The following IVNS1ABP variants were observed in gnomAD, a reference collection of about 807,000 sequenced individuals.
IVNS1ABP encodes the protein influenza virus NS1A binding protein.
Under a neutral mutation model 78.9 loss-of-function variants are expected in IVNS1ABP, and 25 were observed. The ratio of observed to expected loss-of-function variants is 0.32; its 90% CI spans 0.23 to 0.44. The LOEUF is 0.44. Ranked by LOEUF, IVNS1ABP falls within the 20% of genes least tolerant of loss-of-function variation. IVNS1ABP has a pLI of 1.00. For synonymous variants in IVNS1ABP, 241 were observed against 259.7 expected (o/e 0.93, Z 0.69); for missense variants, 494 against 768.9 (o/e 0.64, Z 4.23).
intron 13 of IVNS1ABP, 36 bp from the exon 14 acceptor site, chr1:185,299,919 C>G (rs776111443): frequency 6.2e-7 from 1 of 1,612,478 alleles, no homozygotes; most frequent in Admixed American, 1.7e-5. Context: ...ATTGCTACAT[C>G]TCCCAGACTC....
In IVNS1ABP at chr1:185,301,572, T is replaced by A. The variant is rs1397404242; in HGVS notation, c.766-9A>T. The A allele has an allele frequency of 6.2e-7, 1 of 1,612,544 alleles. No homozygotes were observed. The highest frequency in any genetic ancestry group is 1.1e-5 in the South Asian group (1 of 91,038). On this transcript the variant is annotated splice_polypyrimidine_tract_variant and intron_variant, in intron 8 of 14. Coordinates refer to ENST00000367498, the MANE Select transcript of IVNS1ABP (RefSeq NM_006469.5). ...TCACGTGGTGGCTTTTTCTGCAAAA[T>A]CAAAAGGTAGCTACAGAAACCTAGC...
chr1:185,303,126 C>A (rs1665643970), intron 8 of IVNS1ABP, among the ~76,000 whole-genome samples: 1 of 151,938 alleles, frequency 6.6e-6, no homozygotes, highest in African/African-American at 2.4e-5. Context: ...ATCCAAATAT[C>A]ACAAATGGAT....
intron 5 of IVNS1ABP, 55 bp from the exon 6 acceptor site, chr1:185,307,717 A>G: frequency 6.5e-7 from 1 of 1,531,748 alleles, no homozygotes; most frequent in Non-Finnish European, 9.0e-7. Context: ...TTCAACAAAT[A>G]TTTAATGTTC....
chr1:185,302,333 G>A (rs1423040323), intron 8 of IVNS1ABP, among the ~76,000 whole-genome samples: 1 of 152,138 alleles, frequency 6.6e-6, no homozygotes, highest in Non-Finnish European at 1.5e-5. Context: ...AGTTTTCCTT[G>A]ATGGCTTCCT....
rs1309120370 is a variant in IVNS1ABP at position 185,297,082 on chromosome 1, C to T, written c.*953G>A. ...AAAAACATAGTTCTGATAAAACCTG[C>T]ATTCACAACCTAATGTAGTTTAAAG... On this transcript the variant is annotated 3_prime_UTR_variant, in exon 15 of 15. Coordinates refer to ENST00000367498, the MANE Select transcript of IVNS1ABP (RefSeq NM_006469.5). 2.0e-5 allele frequency: 3 copies of T among 152,120 alleles called. No homozygotes were observed. The highest frequency in any genetic ancestry group is 4.4e-5 in the Non-Finnish European group (3 of 68,016). The allele number at this position is 152,120 out of a possible 1,614,324, so 9.4% of individuals were successfully genotyped here.
chr1:185,307,800 GTAA>G, intron 5 of IVNS1ABP, 138 bp from the exon 6 acceptor site: 1 of 1,162,408 alleles, frequency 8.6e-7, no homozygotes, highest in Non-Finnish European at 1.2e-6. Flanking sequence ...GTTAATAGTG[GTAA>G]TAACACGTAT....
At chr1:185,299,040 C>T (rs1394195062) in intron 14 of IVNS1ABP, 1 of 152,186 alleles carries the variant, frequency 6.6e-6, no homozygotes, top group Non-Finnish European at 1.5e-5. Flanking sequence ...ATTATTTTTT[C>T]ATTTGACCAT....
intron 1 of IVNS1ABP, among the ~76,000 whole-genome samples, chr1:185,315,323 A>T (rs1665986928): frequency 6.6e-6 from 1 of 152,246 alleles, no homozygotes; most frequent in Non-Finnish European, 1.5e-5. Context: ...TTCCAAAAGC[A>T]AGTAGCCAAA....
rs1230859957 is a variant in IVNS1ABP at position 185,309,057 on chromosome 1, T to G, written c.227A>C (p.Asp76Ala). 3.1e-6 allele frequency: 5 copies of G among 1,613,090 alleles called. No homozygotes were observed. Among genetic ancestry groups the G allele is most frequent in the Non-Finnish European group, 3.4e-6 (4 of 1,179,580 alleles). Residue 76 changes from aspartate to alanine, a missense_variant, in exon 4 of 15, where the codon GAT becomes GCT. Transcript: ENST00000367498. ...DPHGISHVKF[D>A]DLNPEAVEVL... Reference sequence around the variant, plus strand: ...TTCAACAGCTTCTGGATTGAGATCATCAAATTTAACGTGAGAAATTCCATG... The same window carrying G: ...TTCAACAGCTTCTGGATTGAGATCAGCAAATTTAACGTGAGAAATTCCATG...
Position 185,298,474 on chromosome 1 carries a change from T to TA in IVNS1ABP, c.1676-187dup, listed in dbSNP as rs1402363044. The TA allele has an allele frequency of 1.3e-5, 8 of 595,996 alleles. No individual in the cohort carries two copies. The highest frequency in any genetic ancestry group is 9.4e-5 in the African/African-American group (5 of 53,334). The allele number at this position is 595,996 out of a possible 1,614,324, so 36.9% of individuals were successfully genotyped here. A position where few individuals can be genotyped will look rare whatever the true frequency, so the allele number is the denominator to read the frequency against. On this transcript the variant is annotated intron_variant, in intron 14 of 14. Coordinates refer to ENST00000367498, the MANE Select transcript of IVNS1ABP (RefSeq NM_006469.5). This position sits in a 1 kb window ranked among gnomAD's most constrained non-coding sequence, Gnocchi z 4.1. Reference sequence around the variant, plus strand: ...CTCTAAGAGCTGGGAATCAAATCAATAAAAAAACCATTCCCACGTGGAACT... The same window carrying TA: ...CTCTAAGAGCTGGGAATCAAATCAATAAAAAAAACCATTCCCACGTGGAACT...
In IVNS1ABP at chr1:185,305,505, C is replaced by G. The variant is rs766023698; in HGVS notation, c.765+31G>C. On this transcript the variant is annotated intron_variant, in intron 8 of 14. Transcript: ENST00000367498. The surrounding 1 kb of genome is among the most constrained non-coding windows in gnomAD (Gnocchi z 4.0). The stretch of plus-strand genomic sequence containing the variant: ...TCAAATTCTCTAGTCAAATTTTAAC[C>G]TGAGGTTACCTCAGACTGTGCAATG... 1.2e-6 allele frequency: 2 copies of G among 1,605,960 alleles called. No homozygotes were observed. The highest frequency in any genetic ancestry group is 4.5e-5 in the East Asian group (2 of 44,702).
At chr1:185,315,272 T>A (rs774628571) in intron 1 of IVNS1ABP, among the ~76,000 whole-genome samples, 6 of 152,324 alleles carry the variant, frequency 3.9e-5, no homozygotes, top group Non-Finnish European at 8.8e-5. Flanking sequence ...CTACATTTAA[T>A]TACCATCTAA....
At chr1:185,303,242 A>T (rs1372696875) in intron 8 of IVNS1ABP, among the ~76,000 whole-genome samples, 1 of 152,140 alleles carries the variant, frequency 6.6e-6, no homozygotes, top group Non-Finnish European at 1.5e-5. Flanking sequence ...GCAATGCCTA[A>T]TAACAAGCCT....
At position 185,303,352 on chromosome 1, in the gene IVNS1ABP, T is replaced by A. The variant is rs571795121; in HGVS notation, c.766-1789A>T. Among the ~76,000 whole-genome samples the A allele has an allele frequency of 3.3e-5, 5 of 152,248 alleles. No individual in the cohort carries two copies. In the East Asian group the frequency reaches 9.7e-4, roughly 29 times the overall value. Reference sequence around the variant, plus strand: ...AGAACTTGACAGTGTTTAGTCCTCCTTCAAACTTTCTTCTCCTACCTTAGG... The same window carrying A: ...AGAACTTGACAGTGTTTAGTCCTCCATCAAACTTTCTTCTCCTACCTTAGG... On this transcript the variant is annotated intron_variant, in intron 8 of 14. Transcript: ENST00000367498.
chr1:185,309,443 A>C lies in IVNS1ABP; in HGVS notation c.51T>G (p.Ser17=). 6.2e-7 allele frequency: 1 copy of C among 1,613,200 alleles called. No individual in the cohort carries two copies. Among genetic ancestry groups the C allele is most frequent in the Non-Finnish European group, 8.5e-7 (1 of 1,179,314 alleles). ...TCAGGGCATTTAATTTGGCAACAGA[A>C]GACTCAATAAAATTTTCATCCTCAA... ...LMFEDENFIE[S]SVAKLNALRK... is the part of the protein sequence containing the mutation. Residue 17 remains serine, a synonymous_variant, in exon 3 of 15, where the codon TCT becomes TCG. Coordinates refer to ENST00000367498, the MANE Select transcript of IVNS1ABP (RefSeq NM_006469.5).
Position 185,310,580 on chromosome 1 carries a change from GCAA to G in IVNS1ABP, c.-19+512_-19+514del, listed in dbSNP as rs1665859796. Among the ~76,000 whole-genome samples, 3 of 151,894 alleles carry G rather than the reference GCAA, an allele frequency of 2.0e-5. No homozygotes were observed. The South Asian group carries it at 6.3e-4, about 32-fold the overall frequency. ...ATTGTGCCACTGTACTCCAGCCTGG[GCAA>G]CAGAGAGACTCCATCTTAAAAAAAT... On this transcript the variant is annotated intron_variant, in intron 2 of 14. Coordinates refer to ENST00000367498, the MANE Select transcript of IVNS1ABP (RefSeq NM_006469.5).
In IVNS1ABP at chr1:185,300,276, T is replaced by C; in HGVS notation, c.1310A>G (p.Asp437Gly). 2.5e-6 allele frequency: 4 copies of C among 1,613,430 alleles called. No individual in the cohort carries two copies. Among genetic ancestry groups the C allele is most frequent in the Non-Finnish European group, 3.4e-6 (4 of 1,179,750 alleles). ...AGGAATCCAGTCATCTATGTTTGAA[T>C]CATACATCTCTCCACAACTCAGGTC... is the stretch of plus-strand genomic sequence containing the variant. ...SDDLSCGEMYDSNIDDWIPVP... is the reference protein window; with the variant it reads ...SDDLSCGEMYGSNIDDWIPVP... Residue 437 changes from aspartate (D) to glycine (G), a missense_variant, in exon 12 of 15, where the codon GAT (aspartate) becomes GGT (glycine). Transcript: ENST00000367498.
rs1011369998 is a variant in IVNS1ABP at position 185,303,613 on chromosome 1, G to A, written c.765+1923C>T. On this transcript the variant is annotated intron_variant, in intron 8 of 14. Coordinates refer to ENST00000367498, the MANE Select transcript of IVNS1ABP (RefSeq NM_006469.5). The stretch of plus-strand genomic sequence containing the variant: ...ACTAAGGCCTGCTAAGTCAACCTTT[G>A]TAAATATAAATGTCTATTTATATAT... 1.4e-4 allele frequency among the ~76,000 whole-genome samples: 21 copies of A among 151,892 alleles called. 1 individual carries two copies. The highest frequency in any genetic ancestry group is 1.2e-3 in the Admixed American group (19 of 15,238).
chr1:185,307,893 T>C (rs1665780740), intron 5 of IVNS1ABP: 1 of 1,502,002 alleles, frequency 6.7e-7, no homozygotes, highest in Non-Finnish European at 8.9e-7. Flanking sequence ...TGAAATGCTA[T>C]GTAAGTTCAC....
Sources: allele counts gnomAD v4.1 joint callset (sites outside exome capture counted in the v4.1 genomes callset), GRCh38; gene constraint gnomAD v4.1.1; non-coding constraint Gnocchi (gnomAD v3.1); transcripts MANE v1.5; gene names NCBI Gene and HGNC (gene_info 2026-07-23, HGNC 2026-07-21).